The following C1orf21 variants were observed in gnomAD, a reference collection of about 807,000 sequenced individuals.
C1orf21 encodes the protein chromosome 1 open reading frame 21, also known as uncharacterized protein C1orf21.
In C1orf21, 3 loss-of-function variants were observed where a neutral mutation model predicts 18.7. The ratio of observed to expected loss-of-function variants is 0.16; its 90% CI spans 0.07 to 0.42. The LOEUF is 0.42. Among genes scored for constraint, C1orf21 ranks in the 10% least tolerant of loss-of-function variants. The pLI is 0.99. For synonymous variants in C1orf21, 41 were observed against 46.4 expected, an observed-to-expected ratio of 0.88 and a Z score of 0.47; for missense variants, 104 against 143.6, an observed-to-expected ratio of 0.72 and a Z score of 1.41.
chr1:184,456,192 A>T (rs1440998001), intron 1 of C1orf21, among the ~76,000 whole-genome samples: 3 of 152,184 alleles, frequency 2.0e-5, no homozygotes, highest in East Asian at 3.8e-4. Context: ...TATATAAGTG[A>T]AACCTTAGCT....
In C1orf21 at chr1:184,419,791, CAGAG is replaced by C. The variant is rs539950305; in HGVS notation, c.-125+32428_-125+32431del. ...CTTCCAGGCCAGGGAACAGCCAGTG[CAGAG>C]AGAGTCACTGGGCATCGAGGCCAGT... On this transcript the variant is annotated intron_variant, in intron 1 of 5. Transcript: ENST00000235307. Among the ~76,000 whole-genome samples, 842 of 152,180 alleles carry C rather than the reference CAGAG, an allele frequency of 5.5e-3. 3 individuals carry two copies. The highest frequency in any genetic ancestry group is 9.5e-3 in the Non-Finnish European group (643 of 68,004).
chr1:184,587,525 TGTGTGTG>T (rs1223436365), intron 3 of C1orf21, among the ~76,000 whole-genome samples: 7 of 7,032 alleles, frequency 1.0e-3, no homozygotes, highest in East Asian at 3.2e-3. Context: ...TCCTAGGAAT[TGTGTGTG>T]TGTGTGTGTG....
At chr1:184,569,707 A>G (rs1659082488) in intron 3 of C1orf21, among the ~76,000 whole-genome samples, 1 of 152,222 alleles carries the variant, frequency 6.6e-6, no homozygotes, top group African/African-American at 2.4e-5. Flanking sequence ...AATAAAATAG[A>G]TAATAAAACT....
chr1:184,525,449 G>T (rs1658365083), intron 3 of C1orf21, among the ~76,000 whole-genome samples: 1 of 151,958 alleles, frequency 6.6e-6, no homozygotes, highest in African/African-American at 2.4e-5. Context: ...TTTAAGCCAA[G>T]AAATCATCCG....
chr1:184,492,762 T>G (rs979335397), intron 2 of C1orf21, among the ~76,000 whole-genome samples: 11 of 152,190 alleles, frequency 7.2e-5, no homozygotes, highest in African/African-American at 2.7e-4. Context: ...AGTGAAGGAT[T>G]CCATTTGTTG....
intron 2 of C1orf21, among the ~76,000 whole-genome samples, chr1:184,486,921 C>T (rs1211699605): frequency 6.6e-6 from 1 of 152,224 alleles, no homozygotes; most frequent in African/African-American, 2.4e-5. Context: ...CAATTACTCC[C>T]TTGCCCCTTC....
At chr1:184,472,988 G>T (rs188432664) in intron 1 of C1orf21, among the ~76,000 whole-genome samples, 17 of 152,326 alleles carry the variant, frequency 1.1e-4, no homozygotes, top group Admixed American at 9.2e-4. Flanking sequence ...TGGGAAAAAT[G>T]TCCTGTAAAG....
intron 1 of C1orf21, among the ~76,000 whole-genome samples, chr1:184,470,941 C>G (rs1441597315): frequency 2.0e-5 from 3 of 151,776 alleles, no homozygotes; most frequent in African/African-American, 7.3e-5. Flanking sequence ...TTGCCTTTGA[C>G]CACTGAGGAG....
At chr1:184,557,487 G>A (rs1013911293) in intron 3 of C1orf21, among the ~76,000 whole-genome samples, 2 of 152,158 alleles carry the variant, frequency 1.3e-5, no homozygotes, top group South Asian at 4.1e-4. Flanking sequence ...ACTTATGAGT[G>A]AGAACGTACA....
chr1:184,423,100 GA>G (rs1472786514), intron 1 of C1orf21, among the ~76,000 whole-genome samples: 4 of 152,312 alleles, frequency 2.6e-5, no homozygotes, highest in Admixed American at 6.5e-5. Context: ...AAGAGCCAAG[GA>G]GACAATGTGT....
In C1orf21 at chr1:184,457,332, T is replaced by A. The variant is rs1657236463; in HGVS notation, c.-124-20054T>A. 8.5e-5 allele frequency among the ~76,000 whole-genome samples: 13 copies of A among 152,296 alleles called. No homozygotes were observed. In the South Asian group the frequency reaches 2.7e-3, roughly 32 times the overall value. On this transcript the variant is annotated intron_variant, in intron 1 of 5. Coordinates refer to ENST00000235307, the MANE Select transcript of C1orf21 (RefSeq NM_030806.4). ...AAGGGGTTTGTGTTCTCCTGATGCGTAGACTAACGTCATCAAACAGACTGT... is the reference window on the plus strand; with the variant it reads ...AAGGGGTTTGTGTTCTCCTGATGCGAAGACTAACGTCATCAAACAGACTGT...
intron 1 of C1orf21, among the ~76,000 whole-genome samples, chr1:184,455,037 G>A (rs1657177731): frequency 2.0e-5 from 3 of 152,110 alleles, no homozygotes; most frequent in Non-Finnish European, 4.4e-5. Context: ...GGGCAGGGGG[G>A]ACAATCAATT....
intron 2 of C1orf21, among the ~76,000 whole-genome samples, chr1:184,493,097 A>G (rs1657838414): frequency 6.6e-6 from 1 of 152,240 alleles, no homozygotes; most frequent in African/African-American, 2.4e-5. Flanking sequence ...TTAAGTATAT[A>G]TAAAATTCTC....
rs188609006 is a variant in C1orf21 at position 184,567,086 on chromosome 1, C to G, written c.190-23653C>G. 377 of 485,832 alleles carry G rather than the reference C, an allele frequency of 7.8e-4. 2 individuals carry two copies. The highest frequency in any genetic ancestry group is 1.4e-3 in the Non-Finnish European group (329 of 241,734). 30.1% of individuals were successfully genotyped at this position (485,832 alleles called of 1,614,324 possible). ...GAAAAACATCCTTGAGAAAGACAGT[C>G]AGGTGGCACAGTACTATGAAGTATT... On this transcript the variant is annotated intron_variant, in intron 3 of 5. Transcript: ENST00000235307.
chr1:184,605,534 A>G (rs1473917860), intron 5 of C1orf21, among the ~76,000 whole-genome samples: 1 of 152,194 alleles, frequency 6.6e-6, no homozygotes, highest in African/African-American at 2.4e-5. Flanking sequence ...CTCCTAGAGT[A>G]GACATCTCTA....
chr1:184,573,960 C>G (rs914388038), intron 3 of C1orf21, among the ~76,000 whole-genome samples: 2 of 152,044 alleles, frequency 1.3e-5, no homozygotes, highest in African/African-American at 4.8e-5. Flanking sequence ...TTTGGGAGGC[C>G]GAGGTAGGCA....
At chr1:184,449,298 T>C (rs975864006) in intron 1 of C1orf21, among the ~76,000 whole-genome samples, 10 of 150,728 alleles carry the variant, frequency 6.6e-5, no homozygotes, top group African/African-American at 2.4e-4. Context: ...CAACATGGGA[T>C]GTTTGGCTTT....
chr1:184,596,626 T>C (rs982585687), intron 4 of C1orf21, among the ~76,000 whole-genome samples: 11 of 152,038 alleles, frequency 7.2e-5, no homozygotes, highest in Non-Finnish European at 1.5e-4. Flanking sequence ...TCCAAGCACT[T>C]TAGGAGGCCG....
chr1:184,544,218 G>A (rs1265792771), intron 3 of C1orf21, among the ~76,000 whole-genome samples: 4 of 152,150 alleles, frequency 2.6e-5, no homozygotes, highest in Non-Finnish European at 4.4e-5. Flanking sequence ...CTCAACTTCA[G>A]TGGTTATTTC....
Sources: allele counts gnomAD v4.1 joint callset (sites outside exome capture counted in the v4.1 genomes callset), GRCh38; gene constraint gnomAD v4.1.1; transcripts MANE v1.5; gene names NCBI Gene and HGNC (gene_info 2026-07-23, HGNC 2026-07-21).